SPTY2D1: variants seen among roughly 807,000 people sequenced by gnomAD.
The protein encoded by SPTY2D1 is SPT2 chromatin protein domain containing 1.
In SPTY2D1, 21 loss-of-function variants were observed where a neutral mutation model predicts 64.0. That is an observed-to-expected ratio of 0.33 (90% confidence interval 0.23 to 0.47). The LOEUF (loss-of-function observed/expected upper bound fraction) is 0.47. SPTY2D1 is among the 20% of genes least tolerant of loss of function. SPTY2D1 has a pLI of 1.00. For synonymous variants in SPTY2D1, 287 were observed against 286.8 expected, an observed-to-expected ratio of 1.00 and a Z score of -0.01; for missense variants, 724 against 837.2, an observed-to-expected ratio of 0.86 and a Z score of 1.67.
At chr11:18,631,519 T>C (rs1400934497) in intron 1 of SPTY2D1, among the ~76,000 whole-genome samples, 2 of 149,404 alleles carry the variant, frequency 1.3e-5, no homozygotes, top group Admixed American at 6.8e-5. Context: ...ATTTCGCCAC[T>C]GCACTCCAGC....
At chr11:18,629,502 C>CAA (rs531620186) in intron 1 of SPTY2D1, among the ~76,000 whole-genome samples, 1 of 148,816 alleles carries the variant, frequency 6.7e-6, no homozygotes, top group Non-Finnish European at 1.5e-5. Context: ...GACTTTGTCT[C>CAA]AAAAAAAAAA....
At chr11:18,632,473 C>A (rs1004090025) in intron 1 of SPTY2D1, among the ~76,000 whole-genome samples, 1 of 152,014 alleles carries the variant, frequency 6.6e-6, no homozygotes, top group African/African-American at 2.4e-5. Context: ...CTCAGCCTCC[C>A]AAGTAGCTGG....
At position 18,634,264 on chromosome 11, in the gene SPTY2D1, C is replaced by T; in HGVS notation, c.-7G>A. The T allele has an allele frequency of 6.2e-7, 1 of 1,614,110 alleles. No homozygotes were observed. Among genetic ancestry groups the T allele is most frequent in the Non-Finnish European group, 8.5e-7 (1 of 1,180,026 alleles). ...GAATTTCTCTGAAGTCCATGTTGGG[C>T]CGAGGCGGGAGAGACTGGGCCAGGC... On this transcript the variant is annotated 5_prime_UTR_variant, in exon 1 of 6. Coordinates refer to ENST00000336349, the MANE Select transcript of SPTY2D1 (RefSeq NM_194285.3).
chr11:18,618,558 G>A (rs1490534397), intron 1 of SPTY2D1, among the ~76,000 whole-genome samples: 1 of 152,138 alleles, frequency 6.6e-6, no homozygotes, highest in Non-Finnish European at 1.5e-5. Context: ...ATTAAATCCA[G>A]GAAATAAGAT....
intron 1 of SPTY2D1, among the ~76,000 whole-genome samples, chr11:18,624,666 C>T (rs1456960575): frequency 6.6e-6 from 1 of 152,184 alleles, no homozygotes. Flanking sequence ...AGTCTAGAAA[C>T]ATGTGTACAC....
At chr11:18,618,739 A>C (rs181614515) in intron 1 of SPTY2D1, among the ~76,000 whole-genome samples, 1 of 152,378 alleles carries the variant, frequency 6.6e-6, no homozygotes, top group African/African-American at 2.4e-5. Flanking sequence ...TTCTTGGAGG[A>C]AAACCAAAAG....
At chr11:18,625,756 TG>T (rs61312206) in intron 1 of SPTY2D1, among the ~76,000 whole-genome samples, 134,359 of 147,082 alleles carry the variant, frequency 0.91, 61,592 homozygotes, top group East Asian at 0.98. Context: ...TTGTAGAGAT[TG>T]GGGGGGGGGT....
At chr11:18,619,297 A>C (rs1024115074) in intron 1 of SPTY2D1, among the ~76,000 whole-genome samples, 42 of 152,208 alleles carry the variant, frequency 2.8e-4, no homozygotes, top group African/African-American at 7.9e-4. Context: ...TGGAAGCAGA[A>C]GAAGGTGGAT....
In SPTY2D1 at chr11:18,616,014, T is replaced by C. The variant is rs1309836983; in HGVS notation, c.260A>G (p.Lys87Arg). Reference protein sequence around the residue: ...KHDKKARAMAKRTKDNFHGYN... With the variant: ...KHDKKARAMARRTKDNFHGYN... ...ACCATGGAAATTATCCTTTGTCCTC[T>C]TGGCCATAGCTCTTGCTTTCTTGTC... The change falls in exon 3 of 6, where the codon AAG becomes AGG. Residue 87 changes from lysine to arginine, a missense_variant. Around this residue, in one of 3 missense-constraint regions of SPTY2D1, gnomAD observed 179 missense variants for 232.5 expected, o/e 0.77. Coordinates refer to ENST00000336349, the MANE Select transcript of SPTY2D1 (RefSeq NM_194285.3). 3.1e-6 allele frequency: 5 copies of C among 1,614,242 alleles called. No individual in the cohort carries two copies. The highest frequency in any genetic ancestry group is 1.1e-5 in the South Asian group (1 of 91,086).
intron 1 of SPTY2D1, among the ~76,000 whole-genome samples, chr11:18,629,224 G>A (rs1341496967): frequency 3.3e-5 from 5 of 152,160 alleles, no homozygotes; most frequent in African/African-American, 4.8e-5. Context: ...GTGATGGCCC[G>A]GTGTGGTGGC....
chr11:18,606,718 T>A lies in SPTY2D1; in HGVS notation c.*3143A>T, dbSNP rs1854113374. On this transcript the variant is annotated 3_prime_UTR_variant, in exon 6 of 6. Transcript: ENST00000336349. ...AACAACCAGTCTCTCTTCATATATT[T>A]ATTCTCTTTCCAAACATGTTTTGGT... 1 of 405,320 alleles carries A rather than the reference T, an allele frequency of 2.5e-6. No homozygotes were observed. 25.1% of individuals were successfully genotyped at this position (405,320 alleles called of 1,614,324 possible). A position where few individuals can be genotyped will look rare whatever the true frequency, so the allele number is the denominator to read the frequency against.
chr11:18,612,592 A>G lies in SPTY2D1; in HGVS notation c.1712-104T>C. The G allele has an allele frequency of 9.3e-7, 1 of 1,072,066 alleles. No homozygotes were observed. Among genetic ancestry groups the G allele is most frequent in the Non-Finnish European group, 1.3e-6 (1 of 785,580 alleles). The allele number at this position is 1,072,066 out of a possible 1,614,324, so 66.4% of individuals were successfully genotyped here. A position where few individuals can be genotyped will look rare whatever the true frequency, so the allele number is the denominator to read the frequency against. On this transcript the variant is annotated intron_variant, in intron 3 of 5. Coordinates refer to ENST00000336349, the MANE Select transcript of SPTY2D1 (RefSeq NM_194285.3). This position sits in a 1 kb window ranked among gnomAD's most constrained non-coding sequence, Gnocchi z 4.6. ...CATCATTAAGATGGTATCCTTTAAA[A>G]CCAGAGCAAGCAGGCTGGCCCTTAG...
rs1854558503 is a variant in SPTY2D1, at chr11:18,629,897, A to G, written c.60+4301T>C. The stretch of plus-strand genomic sequence containing the variant: ...TTTAAAAAATAAAGCTCTGCCGGGC[A>G]CGGTGGCTCACGCCTGTAATCCCAG... On this transcript the variant is annotated intron_variant, in intron 1 of 5. Coordinates refer to ENST00000336349, the MANE Select transcript of SPTY2D1 (RefSeq NM_194285.3). Among the ~76,000 whole-genome samples, 4 of 152,330 alleles carry G rather than the reference A, an allele frequency of 2.6e-5. No individual in the cohort carries two copies. The South Asian group carries it at 8.3e-4, about 32-fold the overall frequency.
At chr11:18,632,245 A>T (rs1316965325) in intron 1 of SPTY2D1, among the ~76,000 whole-genome samples, 1 of 152,154 alleles carries the variant, frequency 6.6e-6, no homozygotes, top group African/African-American at 2.4e-5. Context: ...ACATAAAAAG[A>T]TAAGAATTAT....
chr11:18,614,471 A>G (rs1854255494), intron 3 of SPTY2D1, 92 bp downstream of exon 3: 2 of 1,214,052 alleles, frequency 1.6e-6, no homozygotes, highest in Non-Finnish European at 2.3e-6. Flanking sequence ...AGGACAGCAC[A>G]TGAGGGGTTC....
At chr11:18,618,434 C>T (rs891066141) in intron 1 of SPTY2D1, among the ~76,000 whole-genome samples, 1 of 152,056 alleles carries the variant, frequency 6.6e-6, no homozygotes, top group African/African-American at 2.4e-5. Context: ...TTAATTTGAA[C>T]TATAAAAGGA....
intron 1 of SPTY2D1, among the ~76,000 whole-genome samples, chr11:18,618,434 C>G (rs891066141): frequency 6.6e-6 from 1 of 152,056 alleles, no homozygotes; most frequent in African/African-American, 2.4e-5. Context: ...TTAATTTGAA[C>G]TATAAAAGGA....
At chr11:18,620,160 A>G (rs1854369984) in intron 1 of SPTY2D1, among the ~76,000 whole-genome samples, 1 of 152,112 alleles carries the variant, frequency 6.6e-6, no homozygotes, top group African/African-American at 2.4e-5. Flanking sequence ...TACCCCTACC[A>G]TTACTTACTA....
Position 18,615,209 on chromosome 11 carries a change from G to C in SPTY2D1, c.1065C>G (p.Pro355=), listed in dbSNP as rs756095298. 8.1e-6 allele frequency: 13 copies of C among 1,614,252 alleles called. No homozygotes were observed. The highest frequency in any genetic ancestry group is 1.1e-5 in the South Asian group (1 of 91,086). Reference sequence around the variant, plus strand: ...TAGCCTTATTGTGTGGGGTGACCATGGGCCCAGGCCTGGAATGGCTAGGAT... The same window carrying C: ...TAGCCTTATTGTGTGGGGTGACCATCGGCCCAGGCCTGGAATGGCTAGGAT... ...LSHPSHSRPG[P]MVTPHNKAKS... The change falls in exon 3 of 6, where the codon CCC becomes CCG. Residue 355 remains proline, a synonymous_variant. Coordinates refer to ENST00000336349, the MANE Select transcript of SPTY2D1 (RefSeq NM_194285.3).
Sources: gnomAD v4.1 joint callset for allele counts (sites outside exome capture counted in the v4.1 genomes callset) on GRCh38, gnomAD v4.1.1 for gene constraint, gnomAD v4.1.1 regional missense constraint, Gnocchi (gnomAD v3.1) non-coding constraint, MANE v1.5 for transcripts, NCBI Gene and HGNC (gene_info 2026-07-23, HGNC 2026-07-21) for gene names.